The following OSBP2 variants were observed in gnomAD, a reference collection of about 807,000 sequenced individuals.
OSBP2 encodes the protein oxysterol-binding protein 2.
Under a neutral mutation model 96.0 loss-of-function variants are expected in OSBP2, and 66 were observed. The observed-to-expected ratio is 0.69, with a 90% CI of 0.56 to 0.84. OSBP2 has a LOEUF of 0.84. Among genes scored for constraint, OSBP2 ranks in the 40% least tolerant of loss-of-function variants. The pLI is 0.00. For synonymous variants in OSBP2, 525 were observed against 520.9 expected, an observed-to-expected ratio of 1.01 and a Z score of -0.11; for missense variants, 1,038 against 1,222.7, an observed-to-expected ratio of 0.85 and a Z score of 2.25.
At chr22:30,788,786 C>T (rs768718631) in intron 2 of OSBP2, among the ~76,000 whole-genome samples, 1 of 152,136 alleles carries the variant, frequency 6.6e-6, no homozygotes, top group Non-Finnish European at 1.5e-5. Flanking sequence ...CATCTCAGCT[C>T]ACTGCAACCT....
chr22:30,767,305 C>T (rs891261149), intron 2 of OSBP2, among the ~76,000 whole-genome samples: 1 of 151,370 alleles, frequency 6.6e-6, no homozygotes, highest in Admixed American at 6.6e-5. Flanking sequence ...GCAAGACTTT[C>T]TCTCTCTTAA....
At chr22:30,790,712 T>A (rs1198652063) in intron 2 of OSBP2, among the ~76,000 whole-genome samples, 3 of 151,588 alleles carry the variant, frequency 2.0e-5, no homozygotes, top group African/African-American at 7.3e-5. Context: ...TTTTTTGATA[T>A]GTGGTAATTT....
chr22:30,839,560 A>G (rs1247544316), intron 2 of OSBP2, among the ~76,000 whole-genome samples: 1 of 151,812 alleles, frequency 6.6e-6, no homozygotes, highest in African/African-American at 2.4e-5. Flanking sequence ...GTGAGATGGT[A>G]TCTCATTATG....
intron 8 of OSBP2, 65 bp downstream of exon 8, chr22:30,891,038 G>A: frequency 6.4e-7 from 1 of 1,552,308 alleles, no homozygotes; most frequent in South Asian, 1.2e-5. Flanking sequence ...TTCCTGCCAG[G>A]CCCAAGGTGA....
At chr22:30,831,272 T>C (rs1439870175) in intron 2 of OSBP2, among the ~76,000 whole-genome samples, 1 of 152,246 alleles carries the variant, frequency 6.6e-6, no homozygotes, top group Non-Finnish European at 1.5e-5. Context: ...GCCAGTATAA[T>C]GTGCCTTGTT....
At chr22:30,858,509 A>T (rs2147079691) in intron 2 of OSBP2, among the ~76,000 whole-genome samples, 1 of 151,738 alleles carries the variant, frequency 6.6e-6, no homozygotes, top group Admixed American at 6.6e-5. Context: ...AAAACTCAAA[A>T]CCTGGACTCT....
chr22:30,871,656 C>T lies in OSBP2; in HGVS notation c.1107+974C>T, dbSNP rs1403683228. 6.6e-6 allele frequency among the ~76,000 whole-genome samples: 1 copy of T among 150,666 alleles called. No individual in the cohort carries two copies. The highest frequency in any genetic ancestry group is 1.5e-5 in the Non-Finnish European group (1 of 67,492). ...GCAGTGCTGGTGCCTGGGTGACCTC[C>T]AGCTGGGGGACCCAGCCCCCAAACT... On this transcript the variant is annotated intron_variant, in intron 3 of 13. Coordinates refer to ENST00000332585, the MANE Select transcript of OSBP2 (RefSeq NM_030758.4). The surrounding 1 kb of genome is among the most constrained non-coding windows in gnomAD (Gnocchi z 4.7).
At chr22:30,770,950 T>C (rs898172315) in intron 2 of OSBP2, among the ~76,000 whole-genome samples, 6 of 152,212 alleles carry the variant, frequency 3.9e-5, no homozygotes, top group Non-Finnish European at 8.8e-5. Context: ...GCTTGAGTCA[T>C]CTCGGCTCAT....
At chr22:30,869,719 A>C (rs2039419348) in intron 2 of OSBP2, among the ~76,000 whole-genome samples, 1 of 152,018 alleles carries the variant, frequency 6.6e-6, no homozygotes, top group Admixed American at 6.5e-5. Context: ...TATTTTTTGT[A>C]GAAGACAGAC....
intron 2 of OSBP2, among the ~76,000 whole-genome samples, chr22:30,833,043 C>T (rs576038105): frequency 2.0e-5 from 3 of 152,296 alleles, no homozygotes; most frequent in Admixed American, 6.5e-5. Flanking sequence ...TGTCAGTGCG[C>T]GAGTTCTCAC....
intron 12 of OSBP2, among the ~76,000 whole-genome samples, chr22:30,897,778 T>C (rs988804695): frequency 1.3e-5 from 2 of 152,028 alleles, no homozygotes; most frequent in Non-Finnish European, 2.9e-5. Context: ...GGTGAAACCC[T>C]GTTTCTACTA....
At chr22:30,843,444 TCC>T (rs35971934) in intron 2 of OSBP2, among the ~76,000 whole-genome samples, 41 of 120,556 alleles carry the variant, frequency 3.4e-4, no homozygotes, top group African/African-American at 1.5e-3. Flanking sequence ...CAGGAATCTT[TCC>T]CCCCTCCCCC....
At position 30,871,303 on chromosome 22, in the gene OSBP2, G is replaced by A. The variant is rs968074855; in HGVS notation, c.1107+621G>A. Among the ~76,000 whole-genome samples the A allele has an allele frequency of 6.6e-6, 1 of 152,136 alleles. No homozygotes were observed. The highest frequency in any genetic ancestry group is 1.5e-5 in the Non-Finnish European group (1 of 68,022). ...TCTGGAAGCCACACGGCTAGGACTG[G>A]GAGCCAGGAGGGTGTCTCGATGGTG... On this transcript the variant is annotated intron_variant, in intron 3 of 13. Transcript: ENST00000332585. This position sits in a 1 kb window ranked among gnomAD's most constrained non-coding sequence, Gnocchi z 4.7.
At chr22:30,831,364 G>A (rs546391914) in intron 2 of OSBP2, among the ~76,000 whole-genome samples, 7 of 152,222 alleles carry the variant, frequency 4.6e-5, no homozygotes, top group South Asian at 2.1e-4. Context: ...TTGATGGCTC[G>A]TCAGCTGCAC....
At chr22:30,779,087 A>G (rs1341610584) in intron 2 of OSBP2, among the ~76,000 whole-genome samples, 1 of 151,178 alleles carries the variant, frequency 6.6e-6, no homozygotes, top group Non-Finnish European at 1.5e-5. Context: ...TTTGGTGTAT[A>G]TATATACAGA....
At chr22:30,897,811 G>A (rs531097589) in intron 12 of OSBP2, among the ~76,000 whole-genome samples, 77 of 152,164 alleles carry the variant, frequency 5.1e-4, no homozygotes, top group Admixed American at 7.9e-4. Context: ...TTAGCCGAGC[G>A]TGGTGGCACG....
In OSBP2 at chr22:30,888,399, C is replaced by G. The variant is rs2039864444; in HGVS notation, c.1418+59C>G. On this transcript the variant is annotated intron_variant, in intron 5 of 13. Coordinates refer to ENST00000332585, the MANE Select transcript of OSBP2 (RefSeq NM_030758.4). ...ACCCTGGTCTTAGGCTGCATCTGGT[C>G]TTTTCACCAGCTATCTAGTTGTCTA... The G allele has an allele frequency of 3.0e-6, 3 of 1,012,736 alleles. No individual in the cohort carries two copies. In the South Asian group the frequency reaches 3.8e-5, roughly 13 times the overall value. The allele number at this position is 1,012,736 out of a possible 1,614,324, so 62.7% of individuals were successfully genotyped here.
intron 2 of OSBP2, among the ~76,000 whole-genome samples, chr22:30,742,103 A>G (rs1253844953): frequency 6.6e-6 from 1 of 150,670 alleles, no homozygotes; most frequent in Non-Finnish European, 1.5e-5. Context: ...TACAGGCATG[A>G]GCCACCGCGC....
intron 2 of OSBP2, among the ~76,000 whole-genome samples, chr22:30,770,326 C>T (rs1308589407): frequency 6.6e-6 from 1 of 151,936 alleles, no homozygotes; most frequent in Non-Finnish European, 1.5e-5. Context: ...GAACTCCTGA[C>T]CTCAAGTGAT....
Sources: allele counts gnomAD v4.1 joint callset (sites outside exome capture counted in the v4.1 genomes callset), GRCh38; gene constraint gnomAD v4.1.1; non-coding constraint Gnocchi (gnomAD v3.1); transcripts MANE v1.5; gene names NCBI Gene and HGNC (gene_info 2026-07-23, HGNC 2026-07-21).